Variants in EFCAB6 observed in about 807,000 individuals in gnomAD.
The protein encoded by EFCAB6 is EF-hand calcium-binding domain-containing protein 6.
A neutral mutation model predicts 169.8 loss-of-function variants in EFCAB6; 156 were observed. The ratio of observed to expected loss-of-function variants is 0.92; its 90% CI spans 0.81 to 1.05. The LOEUF (loss-of-function observed/expected upper bound fraction) is 1.05, where lower values mean the gene tolerates loss of function less well. EFCAB6 is among the 50% of genes least tolerant of loss of function. The probability of loss-of-function intolerance (pLI) is 0.00; values close to 1 mark genes in which losing one functional copy is unlikely to be tolerated. For synonymous variants in EFCAB6, 698 were observed against 676.4 expected (o/e 1.03, Z -0.50); for missense variants, 1,800 against 1,829.1 (o/e 0.98, Z 0.29).
At chr22:43,691,363 C>T (rs1250798418) in intron 10 of EFCAB6, among the ~76,000 whole-genome samples, 1 of 151,952 alleles carries the variant, frequency 6.6e-6, no homozygotes, top group Non-Finnish European at 1.5e-5. Flanking sequence ...ATAAAATCAG[C>T]TTCTATATAT....
chr22:43,779,416 TGC>T (rs2061740740), intron 3 of EFCAB6, among the ~76,000 whole-genome samples: 2 of 152,190 alleles, frequency 1.3e-5, no homozygotes, highest in Non-Finnish European at 1.5e-5. Flanking sequence ...AGGAAAGTGG[TGC>T]TGGGAGGCAA....
At chr22:43,762,905 C>T (rs1427469389) in intron 5 of EFCAB6, among the ~76,000 whole-genome samples, 2 of 152,218 alleles carry the variant, frequency 1.3e-5, no homozygotes, top group African/African-American at 4.8e-5. Context: ...ATGCAGCTTA[C>T]AAGACAAACT....
chr22:43,784,274 G>T (rs1285096096), intron 2 of EFCAB6, among the ~76,000 whole-genome samples: 1 of 152,010 alleles, frequency 6.6e-6, no homozygotes, highest in African/African-American at 2.4e-5. Context: ...GGATGTGGAT[G>T]AGAAATACTT....
intron 1 of EFCAB6, among the ~76,000 whole-genome samples, chr22:43,810,971 T>TA (rs1262183003): frequency 6.6e-6 from 1 of 152,120 alleles, no homozygotes; most frequent in African/African-American, 2.4e-5. Context: ...AACTGTAGTG[T>TA]ATGAAAGTAG....
At chr22:43,532,899 C>T (rs1443789780) in intron 30 of EFCAB6, among the ~76,000 whole-genome samples, 1 of 152,196 alleles carries the variant, frequency 6.6e-6, no homozygotes, top group Non-Finnish European at 1.5e-5. Context: ...ATAAGGTGGT[C>T]GGAATCAGCT....
intron 2 of EFCAB6, among the ~76,000 whole-genome samples, chr22:43,792,011 C>G (rs891558393): frequency 6.6e-6 from 1 of 152,086 alleles, no homozygotes; most frequent in East Asian, 1.9e-4. Context: ...GCAGGATGAG[C>G]CTTCATGGTG....
At chr22:43,670,243 A>C (rs1342877703) in intron 15 of EFCAB6, among the ~76,000 whole-genome samples, 1 of 152,202 alleles carries the variant, frequency 6.6e-6, no homozygotes, top group Non-Finnish European at 1.5e-5. Context: ...CACTTTAAAA[A>C]TGTCTCAGTT....
rs529977593 is a variant in EFCAB6, at chr22:43,693,142, A to T, written c.1032-5561T>A. Among the ~76,000 whole-genome samples the T allele has an allele frequency of 2.6e-5, 4 of 152,336 alleles. No individual in the cohort carries two copies. In the South Asian group the frequency reaches 8.3e-4, roughly 32 times the overall value. On this transcript the variant is annotated intron_variant, in intron 10 of 31. Transcript: ENST00000262726. ...CGAAGATTTTTAAAAGGTAGAGATT[A>T]TCAGAATAGATTTCTTTATAAAACA... is the stretch of plus-strand genomic sequence containing the variant.
intron 9 of EFCAB6, among the ~76,000 whole-genome samples, chr22:43,715,379 G>A (rs1419259354): frequency 2.6e-5 from 4 of 152,106 alleles, no homozygotes; most frequent in Non-Finnish European, 4.4e-5. Flanking sequence ...ATCACAGTGC[G>A]CTGCTCATGG....
At chr22:43,760,212 AAAAAAAAGAAAAAAG>A (rs773177353) in intron 5 of EFCAB6, among the ~76,000 whole-genome samples, 29,616 of 145,490 alleles carry the variant, frequency 0.2, 3,804 homozygotes, top group East Asian at 0.56. Flanking sequence ...TCAAAAAAAA[AAAAAAAAGAAAAAAG>A]AAAAAAAAAG....
intron 7 of EFCAB6, among the ~76,000 whole-genome samples, chr22:43,732,500 C>T (rs1220228869): frequency 1.4e-5 from 2 of 138,358 alleles, no homozygotes; most frequent in African/African-American, 5.4e-5. Flanking sequence ...CAGAATCTCG[C>T]TCTGTTGCCC....
rs1257358542 is a variant in EFCAB6, at chr22:43,572,893, C to T, written c.3420+3404G>A. On this transcript the variant is annotated intron_variant, in intron 26 of 31. Transcript: ENST00000262726. The surrounding 1 kb of genome is among the most constrained non-coding windows in gnomAD (Gnocchi z 4.0). ...TGGTACACATGGGCCATAGGAAACA[C>T]GTGTCATGAGAGAGTGAATGAACCC... Among the ~76,000 whole-genome samples, 1 of 152,212 alleles carries T rather than the reference C, an allele frequency of 6.6e-6. No individual in the cohort carries two copies. The highest frequency in any genetic ancestry group is 1.9e-4 in the East Asian group (1 of 5,198).
At chr22:43,629,037 G>C (rs73172073) in intron 19 of EFCAB6, among the ~76,000 whole-genome samples, 4 of 152,118 alleles carry the variant, frequency 2.6e-5, no homozygotes, top group Non-Finnish European at 5.9e-5. Flanking sequence ...CGTGGGCCCT[G>C]ACACCCAGGT....
intron 2 of EFCAB6, among the ~76,000 whole-genome samples, chr22:43,794,238 C>T (rs554108562): frequency 2.0e-5 from 3 of 152,326 alleles, no homozygotes; most frequent in East Asian, 3.9e-4. Flanking sequence ...GCAAACATTA[C>T]GTTTAGGTCC....
chr22:43,569,810 G>A (rs1271328530), intron 26 of EFCAB6, among the ~76,000 whole-genome samples: 6 of 152,196 alleles, frequency 3.9e-5, no homozygotes, highest in East Asian at 1.9e-4. Context: ...AGTTAAAATC[G>A]CTGAAATTAC....
chr22:43,602,499 G>A (rs956468774), intron 22 of EFCAB6, among the ~76,000 whole-genome samples: 4 of 152,238 alleles, frequency 2.6e-5, no homozygotes, highest in African/African-American at 4.8e-5. Flanking sequence ...CCTAGGAGGC[G>A]GAAGGGCTGA....
chr22:43,735,922 T>C lies in EFCAB6; in HGVS notation c.579A>G (p.Arg193=). The change falls in exon 7 of 32, where the codon CGA becomes CGG. Residue 193 remains arginine (R), a synonymous_variant. Coordinates refer to ENST00000262726, the MANE Select transcript of EFCAB6 (RefSeq NM_022785.4). ...LIDVNKTGLV[R]PQELRRVLET... The stretch of plus-strand genomic sequence containing the variant: ...CCAGAACCCTTCTTAGCTCCTGCGG[T>C]CGAACCAGTCCAGTCTTGTTAACAT... 1 of 1,614,206 alleles carries C rather than the reference T, an allele frequency of 6.2e-7. No homozygotes were observed. The highest frequency in any genetic ancestry group is 8.5e-7 in the Non-Finnish European group (1 of 1,180,040).
intron 4 of EFCAB6, among the ~76,000 whole-genome samples, chr22:43,771,000 T>C (rs970693668): frequency 3.9e-5 from 6 of 152,170 alleles, no homozygotes; most frequent in South Asian, 2.1e-4. Context: ...CTGAAATTCA[T>C]TGAGCTATTT....
intron 3 of EFCAB6, among the ~76,000 whole-genome samples, chr22:43,778,179 G>A (rs550769840): frequency 6.6e-5 from 10 of 152,122 alleles, no homozygotes; most frequent in Non-Finnish European, 1.5e-4. Context: ...GACAGGGTAG[G>A]AAGAAAACGA....
Sources: gnomAD v4.1 joint callset for allele counts (sites outside exome capture counted in the v4.1 genomes callset) on GRCh38, gnomAD v4.1.1 for gene constraint, Gnocchi (gnomAD v3.1) non-coding constraint, MANE v1.5 for transcripts, NCBI Gene and HGNC (gene_info 2026-07-23, HGNC 2026-07-21) for gene names.